The following SPHKAP variants were observed in gnomAD, a reference collection of about 807,000 sequenced individuals.
SPHKAP encodes the protein A-kinase anchor protein SPHKAP.
Under a neutral mutation model 137.5 loss-of-function variants are expected in SPHKAP, and 67 were observed. The ratio of observed to expected loss-of-function variants is 0.49; its 90% confidence interval spans 0.40 to 0.60. The LOEUF is 0.60. Among genes scored for constraint, SPHKAP ranks in the 20% least tolerant of loss-of-function variants. The probability of loss-of-function intolerance (pLI) is 0.00; values close to 1 mark genes in which losing one functional copy is unlikely to be tolerated. For missense variants in SPHKAP, 2,097 were observed against 2,069.3 expected (o/e 1.01, Z -0.26); for synonymous variants, 813 against 785.3 (o/e 1.04, Z -0.59).
chr2:228,140,905 C>A (rs920224764), intron 1 of SPHKAP, among the ~76,000 whole-genome samples: 1 of 152,086 alleles, frequency 6.6e-6, no homozygotes, highest in African/African-American at 2.4e-5. Context: ...GAAGCAGATG[C>A]CAGTGTTATG....
intron 1 of SPHKAP, among the ~76,000 whole-genome samples, chr2:228,180,061 A>G (rs372425820): frequency 6.6e-6 from 1 of 152,188 alleles, no homozygotes; most frequent in Non-Finnish European, 1.5e-5. Flanking sequence ...GCCTTTGCGT[A>G]AACATCACTG....
chr2:228,046,945 AT>A (rs1284920020), intron 3 of SPHKAP, among the ~76,000 whole-genome samples: 1 of 152,134 alleles, frequency 6.6e-6, no homozygotes, highest in African/African-American at 2.4e-5. Context: ...TCTAGTTAAC[AT>A]TTTCCCACTT....
chr2:228,098,550 G>A (rs1698076071), intron 3 of SPHKAP, among the ~76,000 whole-genome samples: 2 of 152,024 alleles, frequency 1.3e-5, no homozygotes, highest in African/African-American at 4.8e-5. Context: ...CTCATAGGTG[G>A]GAATTGAACA....
At chr2:228,168,818 C>T (rs1700494216) in intron 1 of SPHKAP, among the ~76,000 whole-genome samples, 2 of 152,056 alleles carry the variant, frequency 1.3e-5, no homozygotes, top group Admixed American at 1.3e-4. Context: ...CAAAAGCTAG[C>T]CCTCTTGCAT....
chr2:228,012,180 AAAAAAAAAG>A lies in SPHKAP; in HGVS notation c.4448+4217_4448+4225del, dbSNP rs1233606124. 1.3e-3 allele frequency among the ~76,000 whole-genome samples: 139 copies of A among 110,900 alleles called. No individual in the cohort carries two copies. In the East Asian group the frequency reaches 0.022, roughly 17 times the overall value. The allele number at this position is 110,900 out of a possible 152,430, so 72.8% of individuals were successfully genotyped here. A position where few individuals can be genotyped will look rare whatever the true frequency, so the allele number is the denominator to read the frequency against. On this transcript the variant is annotated intron_variant, in intron 7 of 11. Transcript: ENST00000392056. ...CTCTACCTCAAAAAAAAAAAAAAAA[AAAAAAAAAG>A]AAAGAAAGAAAGAAATATACAATGC...
rs1363003092 is a variant in SPHKAP, at chr2:228,165,273, A to G, written c.32+16294T>C. On this transcript the variant is annotated intron_variant, in intron 1 of 11. Coordinates refer to ENST00000392056, the MANE Select transcript of SPHKAP (RefSeq NM_001142644.2). ...TTCCCCAAAGTCCTGGTCACTTCAA[A>G]CACTGTTAGAAGTCCCACTACACAG... 5.3e-5 allele frequency among the ~76,000 whole-genome samples: 8 copies of G among 152,176 alleles called. No individual in the cohort carries two copies. The South Asian group carries it at 1.7e-3, about 32-fold the overall frequency.
intron 3 of SPHKAP, among the ~76,000 whole-genome samples, chr2:228,052,955 A>G (rs1273313350): frequency 6.6e-6 from 1 of 152,172 alleles, no homozygotes; most frequent in Non-Finnish European, 1.5e-5. Flanking sequence ...CTGTATAGTA[A>G]GAGCTAATCT....
intron 3 of SPHKAP, among the ~76,000 whole-genome samples, chr2:228,094,069 T>A (rs1431084911): frequency 1.3e-5 from 2 of 152,048 alleles, no homozygotes; most frequent in Non-Finnish European, 2.9e-5. Context: ...TATCTAGGTA[T>A]TTTTTTATAA....
intron 7 of SPHKAP, among the ~76,000 whole-genome samples, chr2:228,008,385 C>G (rs1160877613): frequency 2.6e-5 from 4 of 151,796 alleles, no homozygotes; most frequent in Non-Finnish European, 5.9e-5. Flanking sequence ...CAAACTCTAC[C>G]TCTCAGGTTC....
At chr2:228,027,975 A>AG (rs960812410) in intron 3 of SPHKAP, 5 of 968,770 alleles carry the variant, frequency 5.2e-6, no homozygotes, top group Non-Finnish European at 6.1e-6. Flanking sequence ...AAAAAAAAAA[A>AG]AGAAAAAAGA....
At chr2:228,131,850 AGCAAACC>A in intron 2 of SPHKAP, 123 bp downstream of exon 2, 1 of 1,413,810 alleles carries the variant, frequency 7.1e-7, no homozygotes, top group South Asian at 1.5e-5. Flanking sequence ...TACTTGGGAA[AGCAAACC>A]GTGAGCCATT....
At chr2:228,035,461 G>A (rs1474275549) in intron 3 of SPHKAP, among the ~76,000 whole-genome samples, 1 of 152,026 alleles carries the variant, frequency 6.6e-6, no homozygotes, top group Non-Finnish European at 1.5e-5. Context: ...ACTGCCCAAG[G>A]TAATTTATAG....
intron 1 of SPHKAP, chr2:228,132,371 C>T (rs1254846560): frequency 1.5e-5 from 3 of 193,790 alleles, no homozygotes; most frequent in African/African-American, 2.4e-5. Context: ...GCCTTGTTAG[C>T]ATCTTCTCTT....
intron 1 of SPHKAP, among the ~76,000 whole-genome samples, chr2:228,173,872 T>A (rs1200842607): frequency 6.6e-6 from 1 of 152,218 alleles, no homozygotes; most frequent in Non-Finnish European, 1.5e-5. Context: ...CTCTAACAAG[T>A]TCATACACTA....
At chr2:228,050,143 CCAT>C (rs1171235497) in intron 3 of SPHKAP, among the ~76,000 whole-genome samples, 1 of 152,074 alleles carries the variant, frequency 6.6e-6, no homozygotes, top group Non-Finnish European at 1.5e-5. Context: ...CAATGAGATA[CCAT>C]CTCACATCAG....
chr2:228,101,753 G>A (rs1314463049), intron 3 of SPHKAP, among the ~76,000 whole-genome samples: 1 of 152,298 alleles, frequency 6.6e-6, no homozygotes. Flanking sequence ...TCCAGTCCCA[G>A]GTTCTAAATT....
At chr2:228,166,049 A>T (rs1469885202) in intron 1 of SPHKAP, among the ~76,000 whole-genome samples, 1 of 152,242 alleles carries the variant, frequency 6.6e-6, no homozygotes, top group African/African-American at 2.4e-5. Flanking sequence ...GAGTGAGAAC[A>T]GTTAATGTCA....
chr2:228,073,691 AAGC>A (rs1320253876), intron 3 of SPHKAP, among the ~76,000 whole-genome samples: 32 of 152,184 alleles, frequency 2.1e-4, no homozygotes, highest in African/African-American at 7.5e-4. Context: ...CAGACTTTCA[AAGC>A]AGAATGTTCT....
At chr2:228,092,108 T>TAC (rs1361278048) in intron 3 of SPHKAP, among the ~76,000 whole-genome samples, 1 of 143,938 alleles carries the variant, frequency 6.9e-6, no homozygotes, top group Admixed American at 7.0e-5. Context: ...TATGTATATA[T>TAC]ACACATATAT....
Sources: gnomAD v4.1 joint callset for allele counts (sites outside exome capture counted in the v4.1 genomes callset) on GRCh38, gnomAD v4.1.1 for gene constraint, MANE v1.5 for transcripts, NCBI Gene and HGNC (gene_info 2026-07-23, HGNC 2026-07-21) for gene names.